SOX6: variants seen among roughly 807,000 people sequenced by gnomAD.
SOX6 encodes the protein SRY-box transcription factor 6, also known as transcription factor SOX-6.
A neutral mutation model predicts 97.8 loss-of-function variants in SOX6; 11 were observed. The ratio of observed to expected loss-of-function variants is 0.11; its 90% confidence interval spans 0.07 to 0.19. The LOEUF (loss-of-function observed/expected upper bound fraction) is 0.19, where lower values mean the gene tolerates loss of function less well. Among genes scored for constraint, SOX6 ranks in the 10% least tolerant of loss-of-function variants. The pLI is 1.00. For missense variants in SOX6, 810 were observed against 1,039.5 expected, an observed-to-expected ratio of 0.78 and a Z score of 3.04; for synonymous variants, 360 against 371.4, an observed-to-expected ratio of 0.97 and a Z score of 0.35.
chr11:16,128,105 T>C (rs1406729894), intron 6 of SOX6, among the ~76,000 whole-genome samples: 1 of 152,190 alleles, frequency 6.6e-6, no homozygotes, highest in Non-Finnish European at 1.5e-5. Flanking sequence ...AACTACATCC[T>C]AGAAAAGCAT....
chr11:16,235,909 C>A (rs1853003995), intron 3 of SOX6, among the ~76,000 whole-genome samples: 1 of 152,076 alleles, frequency 6.6e-6, no homozygotes, highest in African/African-American at 2.4e-5. Flanking sequence ...TAACATTTGT[C>A]TGTGACACTA....
intron 1 of SOX6, among the ~76,000 whole-genome samples, chr11:16,373,871 GGAAGGA>G: frequency 9.9e-5 from 2 of 20,128 alleles, no homozygotes; most frequent in Non-Finnish European, 3.4e-4. Flanking sequence ...AAGGAAGGAA[GGAAGGA>G]AGGAAGGAAG....
chr11:16,536,444 G>A (rs1023534397), intron 4 of SOX6, among the ~76,000 whole-genome samples: 1 of 152,180 alleles, frequency 6.6e-6, no homozygotes, highest in Non-Finnish European at 1.5e-5. Flanking sequence ...CATCTCACTG[G>A]GACTGGTTGG....
intron 9 of SOX6, among the ~76,000 whole-genome samples, chr11:16,090,816 T>G (rs1205112721): frequency 6.6e-6 from 1 of 152,054 alleles, no homozygotes; most frequent in Non-Finnish European, 1.5e-5. Flanking sequence ...GACCCACCCA[T>G]CAGAAGTACT....
At chr11:16,575,838 A>AT (rs904109147) in intron 4 of SOX6, among the ~76,000 whole-genome samples, 5 of 151,912 alleles carry the variant, frequency 3.3e-5, no homozygotes, top group African/African-American at 1.2e-4. Context: ...CAGTGATTTC[A>AT]TTTTTTTTAC....
At chr11:16,359,137 G>A (rs1857140207), upstream of SOX6, among the ~76,000 whole-genome samples, 1 of 152,176 alleles carries the variant, frequency 6.6e-6, no homozygotes, top group South Asian at 2.1e-4. Flanking sequence ...ATTTTGGAGG[G>A]ATCAGAGACA....
At chr11:16,352,261 TGG>T (rs1856968281) in intron 1 of SOX6, among the ~76,000 whole-genome samples, 1 of 150,628 alleles carries the variant, frequency 6.6e-6, no homozygotes, top group African/African-American at 2.4e-5. Flanking sequence ...GATGGATGGA[TGG>T]ATGGATGGAT....
At position 16,368,057 on chromosome 11, in the gene SOX6, T is replaced by C. The variant is rs1857402328; in HGVS notation, c.-4-26805A>G. Among the ~76,000 whole-genome samples the C allele has an allele frequency of 7.2e-5, 11 of 152,166 alleles. No individual in the cohort carries two copies. The South Asian group carries it at 2.3e-3, about 32-fold the overall frequency. ...AAAGTCGCGGCTTCCATGAACCTAT[T>C]GATGATGTTAAGTGAGGACTTACTA... On this transcript the variant is annotated intron_variant, in intron 1 of 15. Transcript: ENST00000396356.
intron 9 of SOX6, among the ~76,000 whole-genome samples, chr11:16,075,559 G>A (rs897633164): frequency 3.4e-4 from 51 of 152,210 alleles, no homozygotes; most frequent in African/African-American, 1.2e-3. Flanking sequence ...CACAAGGACA[G>A]AAAACCAAAC....
At chr11:16,262,119 A>G (rs1430576830) in intron 3 of SOX6, among the ~76,000 whole-genome samples, 1 of 152,030 alleles carries the variant, frequency 6.6e-6, no homozygotes, top group Non-Finnish European at 1.5e-5. Context: ...ACAACTGTTA[A>G]TAGTGTCAAA....
At chr11:16,671,655 A>C (rs938028161) in intron 3 of SOX6, among the ~76,000 whole-genome samples, 1 of 152,266 alleles carries the variant, frequency 6.6e-6, no homozygotes, top group African/African-American at 2.4e-5. Flanking sequence ...TCACGTAAAG[A>C]GGCCAAATCT....
At chr11:16,100,876 A>T (rs1037424394) in intron 7 of SOX6, among the ~76,000 whole-genome samples, 6 of 151,766 alleles carry the variant, frequency 4.0e-5, no homozygotes, top group African/African-American at 1.2e-4. Flanking sequence ...ATGTTAACAC[A>T]TTGAAGAAAT....
At chr11:16,303,117 A>T (rs2938282) in intron 3 of SOX6, among the ~76,000 whole-genome samples, 1 of 152,120 alleles carries the variant, frequency 6.6e-6, no homozygotes, top group African/African-American at 2.4e-5. Flanking sequence ...GTGTATTTAA[A>T]TATGTATACA....
At chr11:16,620,649 T>C (rs866886608) in intron 3 of SOX6, among the ~76,000 whole-genome samples, 1 of 152,212 alleles carries the variant, frequency 6.6e-6, no homozygotes, top group South Asian at 2.1e-4. Flanking sequence ...TAAAACTATA[T>C]ATGTCTACAT....
At chr11:16,595,838 T>C (rs1051146639) in intron 4 of SOX6, among the ~76,000 whole-genome samples, 5 of 152,192 alleles carry the variant, frequency 3.3e-5, no homozygotes, top group Non-Finnish European at 5.9e-5. Flanking sequence ...TCATCCCCAT[T>C]GGAAAGTTAT....
chr11:16,533,821 T>A (rs1861270520), intron 4 of SOX6, among the ~76,000 whole-genome samples: 1 of 152,092 alleles, frequency 6.6e-6, no homozygotes, highest in Non-Finnish European at 1.5e-5. Flanking sequence ...CAGTTTTATT[T>A]ATAACCAATA....
intron 4 of SOX6, among the ~76,000 whole-genome samples, chr11:16,227,271 A>G (rs1235563796): frequency 6.6e-6 from 1 of 152,204 alleles, no homozygotes; most frequent in Admixed American, 6.5e-5. Flanking sequence ...TTAATTTGAA[A>G]GGAACCTTAG....
rs76950598 is a variant in SOX6 at position 16,549,750 on chromosome 11, C to G, written n.609+62331G>C. On this transcript the variant is annotated intron_variant and non_coding_transcript_variant, in intron 4 of 5. Coordinates refer to the SOX6 transcript ENST00000524520. ...TTGTCACACATCCATATATTGGAATCTACTCAGCAAAAGAATGATACAAAA... is the reference window on the plus strand; with the variant it reads ...TTGTCACACATCCATATATTGGAATGTACTCAGCAAAAGAATGATACAAAA... Among the ~76,000 whole-genome samples the G allele has an allele frequency of 5.2e-3, 789 of 152,244 alleles. 15 individuals carry two copies. Among genetic ancestry groups the G allele is most frequent in the African/African-American group, 0.018 (757 of 41,546 alleles).
chr11:16,112,629 T>G (rs748998902), intron 6 of SOX6, among the ~76,000 whole-genome samples: 7 of 152,140 alleles, frequency 4.6e-5, no homozygotes, highest in Non-Finnish European at 8.8e-5. Flanking sequence ...ATATCAAATT[T>G]CATTTGACCT....
Sources: gnomAD v4.1 joint callset for allele counts (sites outside exome capture counted in the v4.1 genomes callset) on GRCh38, gnomAD v4.1.1 for gene constraint, MANE v1.5 for transcripts, NCBI Gene and HGNC (gene_info 2026-07-23, HGNC 2026-07-21) for gene names.